C13orf46: variants seen among roughly 807,000 people sequenced by gnomAD.
C13orf46 encodes the protein uncharacterized protein C13orf46.
chr13:113,935,337 A>G, the C13orf46 span, among the ~76,000 whole-genome samples: 1 of 152,220 alleles, frequency 6.6e-6, no homozygotes, highest in Non-Finnish European at 1.5e-5. Context: ...CCTGGCCCTG[A>G]CCGCTGCTTC....
At chr13:113,945,097 T>A in the C13orf46 span, among the ~76,000 whole-genome samples, 1 of 152,112 alleles carries the variant, frequency 6.6e-6, no homozygotes, top group African/African-American at 2.4e-5. Context: ...TCCAGGTGTG[T>A]GACGGGCTCT....
chr13:113,936,428 A>G, the C13orf46 span, among the ~76,000 whole-genome samples: 1 of 152,128 alleles, frequency 6.6e-6, no homozygotes, highest in African/African-American at 2.4e-5. Context: ...GGCTCAAAGG[A>G]GCCAAGGCCT....
At chr13:113,931,851 G>A in the C13orf46 span, among the ~76,000 whole-genome samples, 29 of 151,904 alleles carry the variant, frequency 1.9e-4, no homozygotes, top group Admixed American at 1.2e-3. Flanking sequence ...TATTTAAGAC[G>A]TACGGTTTGA....
intron 5 of C13orf46, among the ~76,000 whole-genome samples, chr13:113,965,629 A>G (rs937836440): frequency 6.6e-6 from 1 of 151,838 alleles, no homozygotes; most frequent in Non-Finnish European, 1.5e-5. Context: ...GGTGGTGATG[A>G]TGACAGTGAT....
chr13:113,940,228 C>T, the C13orf46 span, among the ~76,000 whole-genome samples: 2 of 152,250 alleles, frequency 1.3e-5, no homozygotes, highest in South Asian at 4.1e-4. Context: ...GCCGTTTCCC[C>T]GGAAGCGAAG....
chr13:113,933,907 T>C, the C13orf46 span, among the ~76,000 whole-genome samples: 1 of 152,154 alleles, frequency 6.6e-6, no homozygotes. Context: ...CGGAGCTCAT[T>C]TGGACATCCT....
At chr13:113,957,155 C>G (rs1477237765) in intron 6 of C13orf46, among the ~76,000 whole-genome samples, 2 of 145,464 alleles carry the variant, frequency 1.4e-5, no homozygotes, top group African/African-American at 5.1e-5. Flanking sequence ...TCTCCCCGCA[C>G]CTCTGCATGC....
the C13orf46 span, among the ~76,000 whole-genome samples, chr13:113,945,594 A>AGAAAGAAAG: frequency 1.0e-4 from 13 of 127,938 alleles, no homozygotes; most frequent in African/African-American, 3.6e-4. Context: ...AGAGAGAGAG[A>AGAAAGAAAG]AAGAAAGAAA....
At chr13:113,943,776 C>T in the C13orf46 span, among the ~76,000 whole-genome samples, 7 of 152,290 alleles carry the variant, frequency 4.6e-5, no homozygotes, top group South Asian at 4.1e-4. Context: ...CCCCTTGCAA[C>T]GTGAGGGAAG....
chr13:113,932,353 G>A, the C13orf46 span, among the ~76,000 whole-genome samples: 330 of 152,314 alleles, frequency 2.2e-3, 7 homozygotes, highest in East Asian at 0.046. Context: ...AACATGCTGC[G>A]CGCTCCAGTT....
the C13orf46 span, among the ~76,000 whole-genome samples, chr13:113,939,205 G>A: frequency 1.4e-4 from 22 of 152,210 alleles, no homozygotes; most frequent in Non-Finnish European, 1.5e-4. Flanking sequence ...AGGCTTGGCT[G>A]CCTGACACGT....
chr13:113,971,527 G>C (rs9796292), intron 1 of C13orf46, among the ~76,000 whole-genome samples: 1 of 152,094 alleles, frequency 6.6e-6, no homozygotes, highest in African/African-American at 2.4e-5. Flanking sequence ...GGAACCCAGC[G>C]GATTCTCACT....
At chr13:113,945,610 A>G in the C13orf46 span, among the ~76,000 whole-genome samples, 13 of 53,654 alleles carry the variant, frequency 2.4e-4, no homozygotes, top group African/African-American at 5.2e-4. Context: ...AGAAAGAAGA[A>G]AGAAAGAAAG....
At chr13:113,934,058 C>T in the C13orf46 span, among the ~76,000 whole-genome samples, 15 of 152,106 alleles carry the variant, frequency 9.9e-5, no homozygotes, top group Non-Finnish European at 1.6e-4. Context: ...AGGTGTGCCC[C>T]GCGGGGCCCT....
At chr13:113,968,934 C>T (rs1031132544) in intron 2 of C13orf46, among the ~76,000 whole-genome samples, 174 bp from the exon 3 acceptor site, 1 of 152,254 alleles carries the variant, frequency 6.6e-6, no homozygotes, top group South Asian at 2.1e-4. Context: ...GGCCCCACAG[C>T]CTGGCCCTCC....
chr13:113,934,277 C>T, the C13orf46 span, among the ~76,000 whole-genome samples: 1 of 152,178 alleles, frequency 6.6e-6, no homozygotes, highest in African/African-American at 2.4e-5. Context: ...TTCGCTGTTC[C>T]AAATAAAGCT....
At chr13:113,930,460 T>C in the C13orf46 span, among the ~76,000 whole-genome samples, 1 of 151,928 alleles carries the variant, frequency 6.6e-6, no homozygotes, top group Non-Finnish European at 1.5e-5. Context: ...CTGTCTCTAG[T>C]GATCTCTCAA....
the C13orf46 span, among the ~76,000 whole-genome samples, chr13:113,944,148 C>T: frequency 6.6e-6 from 1 of 152,192 alleles, no homozygotes; most frequent in Non-Finnish European, 1.5e-5. Flanking sequence ...TCTCCAGACA[C>T]AAGCCCCTCA....
At chr13:113,958,851 C>T (rs1022170238) in intron 6 of C13orf46, among the ~76,000 whole-genome samples, 12 of 152,330 alleles carry the variant, frequency 7.9e-5, no homozygotes, top group South Asian at 2.1e-4. Flanking sequence ...CACAGCTGCA[C>T]GTGGTGGGGT....
Sources: allele counts gnomAD v4.1 joint callset (sites outside exome capture counted in the v4.1 genomes callset), GRCh38; gene constraint gnomAD v4.1.1; transcripts MANE v1.5; gene names NCBI Gene and HGNC (gene_info 2026-07-23, HGNC 2026-07-21).